Variants in SMYD3 observed in about 807,000 individuals in gnomAD.
The protein encoded by SMYD3 is histone-lysine N-methyltransferase SMYD3.
SMYD3 carries 36 observed loss-of-function variants against 57.7 expected under a neutral mutation model. The observed-to-expected ratio is 0.62, with a 90% CI of 0.48 to 0.82. The LOEUF is 0.82. SMYD3 is among the 40% of genes least tolerant of loss of function. The pLI, the probability that SMYD3 is intolerant of heterozygous loss-of-function variation, is 0.00. For synonymous variants in SMYD3, 211 were observed against 195.0 expected, an observed-to-expected ratio of 1.08 and a Z score of -0.68; for missense variants, 515 against 538.8, an observed-to-expected ratio of 0.96 and a Z score of 0.44.
intron 10 of SMYD3, among the ~76,000 whole-genome samples, chr1:245,824,856 C>CAAA (rs34891255): frequency 4.2e-5 from 5 of 119,140 alleles, no homozygotes; most frequent in Non-Finnish European, 8.2e-5. Flanking sequence ...AACTCCGTCT[C>CAAA]AAAAAAAAAA....
intron 1 of SMYD3, among the ~76,000 whole-genome samples, chr1:246,463,833 CA>C (rs35826530): frequency 0.34 from 23,049 of 68,672 alleles, 1,080 homozygotes; most frequent in East Asian, 0.5. Flanking sequence ...GACCCCGTCT[CA>C]AAAAAAAAAA....
At chr1:246,286,572 G>T (rs2064569192) in intron 5 of SMYD3, among the ~76,000 whole-genome samples, 1 of 152,034 alleles carries the variant, frequency 6.6e-6, no homozygotes, top group Non-Finnish European at 1.5e-5. Context: ...CTCCCTGAAG[G>T]TCTTTTTAAA....
At chr1:246,130,967 T>C (rs1259183616) in intron 5 of SMYD3, among the ~76,000 whole-genome samples, 2 of 152,170 alleles carry the variant, frequency 1.3e-5, no homozygotes, top group Admixed American at 1.3e-4. Flanking sequence ...TTAACACTCC[T>C]AGTCCTGTAC....
intron 11 of SMYD3, among the ~76,000 whole-genome samples, chr1:245,757,193 T>C (rs1213020898): frequency 6.6e-6 from 1 of 152,060 alleles, no homozygotes; most frequent in Non-Finnish European, 1.5e-5. Flanking sequence ...TGTCTCTAGG[T>C]ATTTCACTAT....
intron 1 of SMYD3, among the ~76,000 whole-genome samples, chr1:246,426,796 CAT>C (rs1051166569): frequency 3.3e-5 from 5 of 152,068 alleles, no homozygotes; most frequent in Admixed American, 1.3e-4. Context: ...AGAGGAAAAT[CAT>C]ATGTTTCTAT....
chr1:246,177,128 C>T (rs1362546202), intron 5 of SMYD3, among the ~76,000 whole-genome samples: 2 of 152,132 alleles, frequency 1.3e-5, no homozygotes, highest in East Asian at 3.8e-4. Context: ...ACAAGAGCCA[C>T]CTATTCATAA....
At chr1:246,134,363 TA>T (rs1411485414) in intron 5 of SMYD3, among the ~76,000 whole-genome samples, 5 of 152,118 alleles carry the variant, frequency 3.3e-5, no homozygotes, top group Non-Finnish European at 7.4e-5. Context: ...TTAAATGCCT[TA>T]TAATAAACAC....
At chr1:245,943,641 C>A (rs914309950) in intron 5 of SMYD3, among the ~76,000 whole-genome samples, 2 of 152,134 alleles carry the variant, frequency 1.3e-5, no homozygotes, top group African/African-American at 2.4e-5. Context: ...ATGAGGCCAG[C>A]GTCATCCTGA....
intron 5 of SMYD3, among the ~76,000 whole-genome samples, chr1:246,099,357 G>A (rs2060971380): frequency 6.6e-6 from 1 of 152,064 alleles, no homozygotes; most frequent in African/African-American, 2.4e-5. Flanking sequence ...ATAAAGCAAG[G>A]CTGTCTGTCC....
chr1:246,394,005 G>A (rs554925466), intron 1 of SMYD3, among the ~76,000 whole-genome samples: 1 of 152,244 alleles, frequency 6.6e-6, no homozygotes, highest in East Asian at 1.9e-4. Flanking sequence ...TCTTAGCTTT[G>A]CTTTTATTTC....
rs755124699 is a variant in SMYD3, at chr1:246,330,506, A to C, written c.368T>G (p.Leu123Arg). Reference protein sequence around the residue: ...MDGAPSESEKLYSFYDLESNI... With the variant: ...MDGAPSESEKRYSFYDLESNI... ...TGACTCCAGATCATAAAATGAGTAA[A>C]GCTTCTCTGATTCTGAAGGTGCTCC... Residue 123 changes from leucine (L) to arginine (R), a missense_variant, in exon 4 of 12, where the codon CTT becomes CGT. Coordinates refer to ENST00000490107, the MANE Select transcript of SMYD3 (RefSeq NM_001167740.2). 4.4e-6 allele frequency: 7 copies of C among 1,594,748 alleles called. No individual in the cohort carries two copies. Among genetic ancestry groups the C allele is most frequent in the Non-Finnish European group, 5.1e-6 (6 of 1,171,994 alleles).
chr1:246,483,160 TTAAAGG>T (rs943797258), intron 1 of SMYD3, among the ~76,000 whole-genome samples: 1 of 152,132 alleles, frequency 6.6e-6, no homozygotes. Flanking sequence ...AGTGACCAAG[TTAAAGG>T]TAAAGGATGA....
intron 5 of SMYD3, among the ~76,000 whole-genome samples, chr1:246,223,623 A>G (rs937709768): frequency 1.3e-5 from 2 of 152,060 alleles, no homozygotes; most frequent in Admixed American, 6.6e-5. Context: ...TTTCTTATGG[A>G]CCTACGACTA....
intron 11 of SMYD3, among the ~76,000 whole-genome samples, chr1:245,751,794 T>C (rs372567391): frequency 3.9e-5 from 6 of 152,262 alleles, no homozygotes; most frequent in East Asian, 1.9e-4. Flanking sequence ...GCGGTGGGAA[T>C]TGACTTCCTA....
At chr1:245,983,635 T>C (rs575934535) in intron 5 of SMYD3, among the ~76,000 whole-genome samples, 1 of 152,396 alleles carries the variant, frequency 6.6e-6, no homozygotes, top group Admixed American at 6.5e-5. Context: ...TGATGAATCC[T>C]TGCTCAAACA....
At chr1:246,201,041 G>A (rs1363726887) in intron 5 of SMYD3, among the ~76,000 whole-genome samples, 1 of 152,144 alleles carries the variant, frequency 6.6e-6, no homozygotes, top group East Asian at 1.9e-4. Flanking sequence ...AACATATTCA[G>A]CAAATCTTTT....
intron 10 of SMYD3, among the ~76,000 whole-genome samples, chr1:245,839,418 C>T (rs1204331413): frequency 1.3e-5 from 2 of 151,948 alleles, no homozygotes; most frequent in East Asian, 3.9e-4. Flanking sequence ...ATCCGCCCAC[C>T]TCGGCCTCCC....
At chr1:245,888,025 T>A (rs1159691905) in intron 8 of SMYD3, among the ~76,000 whole-genome samples, 1 of 152,204 alleles carries the variant, frequency 6.6e-6, no homozygotes, top group Admixed American at 6.5e-5. Context: ...TCCAGAGAGT[T>A]AATGTTCAAG....
At chr1:245,804,473 G>C (rs374009762) in intron 10 of SMYD3, among the ~76,000 whole-genome samples, 10 of 152,210 alleles carry the variant, frequency 6.6e-5, no homozygotes, top group African/African-American at 2.2e-4. Flanking sequence ...CAGGAGAATG[G>C]CATGGACCTG....
Sources: gnomAD v4.1 joint callset for allele counts (sites outside exome capture counted in the v4.1 genomes callset) on GRCh38, gnomAD v4.1.1 for gene constraint, MANE v1.5 for transcripts, NCBI Gene and HGNC (gene_info 2026-07-23, HGNC 2026-07-21) for gene names.